GPC6: variants seen among roughly 807,000 people sequenced by gnomAD.
GPC6 encodes the protein glypican-6.
Under a neutral mutation model 55.2 loss-of-function variants are expected in GPC6, and 14 were observed. The ratio of observed to expected loss-of-function variants is 0.25; its 90% CI spans 0.17 to 0.40. GPC6 has a LOEUF of 0.40. GPC6 is among the 10% of genes least tolerant of loss of function. The pLI is 1.00. For missense variants in GPC6, 641 were observed against 708.5 expected (o/e 0.90, Z 1.08); for synonymous variants, 278 against 259.6 (o/e 1.07, Z -0.68).
rs537428695 is a variant in GPC6, at chr13:93,316,849, C to CAAA, written c.160+89233_160+89234insAAA. On this transcript the variant is annotated intron_variant, in intron 1 of 8. Coordinates refer to ENST00000377047, the MANE Select transcript of GPC6 (RefSeq NM_005708.5). ...AATGTTTGTTTCATTGCTCAGCATA[C>CAAA]GTTTTAATGTATTTTGCTTTTCTGA... Among the ~76,000 whole-genome samples, 20 of 152,158 alleles carry CAAA rather than the reference C, an allele frequency of 1.3e-4. No homozygotes were observed. In the East Asian group the frequency reaches 1.7e-3, roughly 13 times the overall value.
intron 6 of GPC6, among the ~76,000 whole-genome samples, chr13:94,320,346 T>A (rs1349561147): frequency 6.6e-6 from 1 of 152,216 alleles, no homozygotes; most frequent in South Asian, 2.1e-4. Context: ...TATTCTAATA[T>A]CTGAAGAGTT....
chr13:93,645,080 A>G (rs1462715619), intron 2 of GPC6, among the ~76,000 whole-genome samples: 1 of 152,116 alleles, frequency 6.6e-6, no homozygotes, highest in East Asian at 1.9e-4. Context: ...AGAGGATAAG[A>G]ATCAGGGGTG....
At chr13:93,393,629 G>GTT (rs35580388) in intron 1 of GPC6, among the ~76,000 whole-genome samples, 56,460 of 151,020 alleles carry the variant, frequency 0.37, 13,430 homozygotes, top group Non-Finnish European at 0.55. Flanking sequence ...ACTTAGACCT[G>GTT]TTCTCTCTCT....
chr13:93,803,649 A>G (rs56264049), intron 2 of GPC6, among the ~76,000 whole-genome samples: 4,996 of 152,274 alleles, frequency 0.033, 104 homozygotes, highest in South Asian at 0.067. Context: ...ACATAGCAAC[A>G]TTATTCTTAA....
At chr13:93,447,570 G>T (rs183301162) in intron 1 of GPC6, among the ~76,000 whole-genome samples, 2 of 152,182 alleles carry the variant, frequency 1.3e-5, no homozygotes, top group East Asian at 3.9e-4. Context: ...ATTCTAATTG[G>T]CCGTATTCCC....
intron 1 of GPC6, among the ~76,000 whole-genome samples, chr13:93,259,915 C>T (rs1877083204): frequency 6.6e-6 from 1 of 151,874 alleles, no homozygotes; most frequent in Non-Finnish European, 1.5e-5. Context: ...GTTGTATAAC[C>T]TCAAAAGCAC....
intron 1 of GPC6, among the ~76,000 whole-genome samples, chr13:93,231,377 A>ACG (rs1759467785): frequency 1.1e-4 from 2 of 18,716 alleles, no homozygotes; most frequent in African/African-American, 5.2e-4. Context: ...ATATATATAT[A>ACG]TACATATATA....
intron 3 of GPC6, among the ~76,000 whole-genome samples, chr13:94,015,353 C>A (rs891663246): frequency 6.6e-6 from 1 of 152,066 alleles, no homozygotes; most frequent in Non-Finnish European, 1.5e-5. Flanking sequence ...CTACTCAAAT[C>A]TTTTGCCTGT....
intron 4 of GPC6, among the ~76,000 whole-genome samples, chr13:94,147,078 T>C (rs1291702706): frequency 6.6e-6 from 1 of 152,130 alleles, no homozygotes; most frequent in Non-Finnish European, 1.5e-5. Context: ...TTGTGGGTAC[T>C]ACTAAATTTA....
intron 4 of GPC6, among the ~76,000 whole-genome samples, chr13:94,058,784 T>C (rs1884221314): frequency 6.6e-6 from 1 of 152,158 alleles, no homozygotes; most frequent in African/African-American, 2.4e-5. Context: ...TTATTTTGAA[T>C]GTTAGGGCAA....
chr13:93,364,831 A>G (rs950468654), intron 1 of GPC6, among the ~76,000 whole-genome samples: 1 of 151,708 alleles, frequency 6.6e-6, no homozygotes, highest in Non-Finnish European at 1.5e-5. Flanking sequence ...ATCAAGGTGT[A>G]TTGACTCTCC....
intron 4 of GPC6, among the ~76,000 whole-genome samples, chr13:94,160,509 G>A (rs1402008863): frequency 6.6e-6 from 1 of 152,214 alleles, no homozygotes; most frequent in Non-Finnish European, 1.5e-5. Flanking sequence ...ATTTGAAGAT[G>A]GCAACCACAG....
chr13:93,257,403 T>A (rs1463342017), intron 1 of GPC6, among the ~76,000 whole-genome samples: 1 of 152,218 alleles, frequency 6.6e-6, no homozygotes, highest in African/African-American at 2.4e-5. Context: ...TTTTCTCTCG[T>A]TATAGCAAAA....
chr13:93,508,595 A>G (rs1880822789), intron 1 of GPC6, among the ~76,000 whole-genome samples: 1 of 152,232 alleles, frequency 6.6e-6, no homozygotes, highest in Non-Finnish European at 1.5e-5. Flanking sequence ...TGTATTAACA[A>G]AAGGTTTACT....
chr13:94,193,062 CGTGTGT>C (rs66612458), intron 4 of GPC6, among the ~76,000 whole-genome samples: 17,497 of 147,966 alleles, frequency 0.12, 1,157 homozygotes, highest in Middle Eastern at 0.19. Flanking sequence ...TGAGACTCCT[CGTGTGT>C]GTGTGTGTGT....
intron 6 of GPC6, among the ~76,000 whole-genome samples, chr13:94,371,461 A>G (rs1001786926): frequency 6.6e-6 from 1 of 152,110 alleles, no homozygotes; most frequent in East Asian, 1.9e-4. Context: ...TCTCATCTCC[A>G]CCATTTACTA....
intron 2 of GPC6, among the ~76,000 whole-genome samples, chr13:93,748,047 A>G (rs1471343125): frequency 6.6e-6 from 1 of 152,178 alleles, no homozygotes; most frequent in Non-Finnish European, 1.5e-5. Flanking sequence ...TGAAAATATG[A>G]TGTTGTGACT....
chr13:94,108,857 A>C (rs1053903986), intron 4 of GPC6, among the ~76,000 whole-genome samples: 3 of 151,768 alleles, frequency 2.0e-5, no homozygotes, highest in Non-Finnish European at 2.9e-5. Context: ...AAAAAAACAA[A>C]AAAAAAAAGT....
intron 1 of GPC6, among the ~76,000 whole-genome samples, chr13:93,416,008 T>G (rs1876684240): frequency 6.6e-6 from 1 of 152,234 alleles, no homozygotes; most frequent in East Asian, 1.9e-4. Flanking sequence ...TTTTATATGG[T>G]TTAACCTAAC....
Sources: allele counts gnomAD v4.1 joint callset (sites outside exome capture counted in the v4.1 genomes callset), GRCh38; gene constraint gnomAD v4.1.1; transcripts MANE v1.5; gene names NCBI Gene and HGNC (gene_info 2026-07-23, HGNC 2026-07-21).